Variants in PCDHA9 observed in about 807,000 individuals in gnomAD.
The protein encoded by PCDHA9 is protocadherin alpha-9.
In PCDHA9, 62 loss-of-function variants were observed where a neutral mutation model predicts 62.0. The observed-to-expected ratio is 1.00, with a 90% CI of 0.81 to 1.23. PCDHA9 has a LOEUF of 1.23. PCDHA9 is among the 50% of genes most tolerant of loss of function. The probability of loss-of-function intolerance (pLI) is 0.00; values close to 1 mark genes in which losing one functional copy is unlikely to be tolerated. For missense variants in PCDHA9, 1,205 were observed against 1,249.8 expected (o/e 0.96, Z 0.54); for synonymous variants, 557 against 567.6 (o/e 0.98, Z 0.27).
intron 1 of PCDHA9, among the ~76,000 whole-genome samples, chr5:140,973,341 C>T (rs1323571061): frequency 6.6e-6 from 1 of 152,124 alleles, no homozygotes; most frequent in African/African-American, 2.4e-5. Flanking sequence ...TGTAAAGTGA[C>T]ATAGTAGTGA....
chr5:140,891,604 C>T (rs1554184885), intron 1 of PCDHA9, among the ~76,000 whole-genome samples: 2 of 152,172 alleles, frequency 1.3e-5, no homozygotes, highest in African/African-American at 4.8e-5. Flanking sequence ...CCATCTATTT[C>T]TACCTTTTAT....
intron 1 of PCDHA9, chr5:140,877,376 G>A: frequency 6.2e-7 from 1 of 1,614,014 alleles, no homozygotes; most frequent in Non-Finnish European, 8.5e-7. Context: ...AGCACGACAC[G>A]CATCCTGGAT....
At chr5:140,946,631 T>TATATATACAC (rs57893927) in intron 1 of PCDHA9, among the ~76,000 whole-genome samples, 11,667 of 131,732 alleles carry the variant, frequency 0.089, 743 homozygotes, top group Middle Eastern at 0.14. Context: ...TATATATATA[T>TATATATACAC]ACAATGGAAT....
Position 141,010,042 on chromosome 5 carries a change from T to C in PCDHA9, c.*105T>C. 6.3e-7 allele frequency: 1 copy of C among 1,594,374 alleles called. No homozygotes were observed. The highest frequency in any genetic ancestry group is 8.5e-7 in the Non-Finnish European group (1 of 1,171,086). ...TTTTTCCTATCTACATGAGCCCTCT[T>C]AGAGACCTCAGAAATCTGCAGAAAG... On this transcript the variant is annotated 3_prime_UTR_variant, in exon 4 of 4. Transcript: ENST00000532602.
intron 1 of PCDHA9, among the ~76,000 whole-genome samples, chr5:140,917,939 G>A (rs1408047210): frequency 6.6e-6 from 1 of 151,830 alleles, no homozygotes; most frequent in African/African-American, 2.4e-5. Context: ...AAATAATATT[G>A]GTAGTTTGAT....
intron 1 of PCDHA9, chr5:140,869,835 A>T (rs782478328): frequency 1.2e-6 from 2 of 1,611,774 alleles, no homozygotes; most frequent in South Asian, 2.2e-5. Context: ...AGTTTGATAA[A>T]TCAGAATATA....
chr5:140,968,046 T>A (rs1554230254), intron 1 of PCDHA9: 2 of 1,614,072 alleles, frequency 1.2e-6, no homozygotes, highest in African/African-American at 1.3e-5. Context: ...AGCGGCCCAC[T>A]GGACCGAGAG....
At chr5:140,968,152 C>A (rs782362724) in intron 1 of PCDHA9, 6 of 1,614,054 alleles carry the variant, frequency 3.7e-6, no homozygotes, top group Non-Finnish European at 1.7e-6. Flanking sequence ...TCTCTGACAT[C>A]AATGACAATC....
intron 1 of PCDHA9, among the ~76,000 whole-genome samples, chr5:140,880,101 T>C (rs1190307689): frequency 6.6e-6 from 1 of 152,192 alleles, no homozygotes; most frequent in Non-Finnish European, 1.5e-5. Context: ...CTTAAAATCA[T>C]AGAAGGATAG....
At chr5:140,859,848 G>C (rs1455422999) in intron 1 of PCDHA9, 1 of 151,860 alleles carries the variant, frequency 6.6e-6, no homozygotes, top group South Asian at 2.1e-4. Flanking sequence ...TTATCAAATA[G>C]GTTTATGAAA....
intron 1 of PCDHA9, among the ~76,000 whole-genome samples, chr5:140,901,976 T>C (rs1470395593): frequency 6.6e-6 from 1 of 152,164 alleles, no homozygotes; most frequent in African/African-American, 2.4e-5. Context: ...ATGGGATTAC[T>C]TTTTAATTTC....
At chr5:140,977,836 T>C (rs1300356505) in intron 1 of PCDHA9, among the ~76,000 whole-genome samples, 1 of 152,236 alleles carries the variant, frequency 6.6e-6, no homozygotes, top group African/African-American at 2.4e-5. Flanking sequence ...TCTATTGATA[T>C]TACTATGGCT....
chr5:140,879,532 C>T (rs1189647724), intron 1 of PCDHA9, among the ~76,000 whole-genome samples: 1 of 152,146 alleles, frequency 6.6e-6, no homozygotes, highest in Admixed American at 6.5e-5. Context: ...TTGGGAACAA[C>T]TCCTTTAGAG....
At chr5:140,959,099 G>T (rs1233693181) in intron 1 of PCDHA9, among the ~76,000 whole-genome samples, 1 of 152,078 alleles carries the variant, frequency 6.6e-6, no homozygotes, top group Non-Finnish European at 1.5e-5. Context: ...CGGACATTCA[G>T]CAGGGGTCCG....
At chr5:140,858,305 C>A in intron 1 of PCDHA9, 1 of 1,597,172 alleles carries the variant, frequency 6.3e-7, no homozygotes. Context: ...GCAGCAGAGG[C>A]GGCAGAGGGT....
chr5:140,857,234 C>T (rs781784109), intron 1 of PCDHA9: 2 of 1,598,590 alleles, frequency 1.3e-6, no homozygotes, highest in South Asian at 1.1e-5. Context: ...TCCGTTCAAG[C>T]TGGTGTCCAC....
intron 3 of PCDHA9, among the ~76,000 whole-genome samples, chr5:140,992,671 T>C (rs932477687): frequency 1.3e-5 from 2 of 152,116 alleles, no homozygotes; most frequent in African/African-American, 4.8e-5. Context: ...GGTGTGTATG[T>C]GTGTGTTAGG....
intron 1 of PCDHA9, among the ~76,000 whole-genome samples, chr5:140,962,827 C>T (rs1229108981): frequency 6.6e-6 from 1 of 152,164 alleles, no homozygotes; most frequent in East Asian, 1.9e-4. Flanking sequence ...GACCATTTGT[C>T]TCTTTTTTAT....
chr5:140,942,237 T>C (rs2153657846), intron 1 of PCDHA9, among the ~76,000 whole-genome samples: 1 of 152,214 alleles, frequency 6.6e-6, no homozygotes, highest in East Asian at 1.9e-4. Context: ...GCAAATAAGA[T>C]ATCCATATCA....
Sources: allele counts gnomAD v4.1 joint callset (sites outside exome capture counted in the v4.1 genomes callset), GRCh38; gene constraint gnomAD v4.1.1; transcripts MANE v1.5; gene names NCBI Gene and HGNC (gene_info 2026-07-23, HGNC 2026-07-21).